Variants in PDE1C observed in about 807,000 individuals in gnomAD.
The protein encoded by PDE1C is phosphodiesterase 1C, also known as dual specificity calcium/calmodulin-dependent 3',5'-cyclic nucleotide phosphodiesterase 1C.
In PDE1C, 62 loss-of-function variants were observed where a neutral mutation model predicts 93.1. That is an observed-to-expected ratio of 0.67 (90% CI 0.54 to 0.82). The LOEUF (loss-of-function observed/expected upper bound fraction) is 0.82. Ranked by LOEUF, PDE1C falls within the 40% of genes least tolerant of loss-of-function variation. PDE1C has a pLI of 0.00. For missense variants in PDE1C, 742 were observed against 884.6 expected (o/e 0.84, Z 2.04); for synonymous variants, 325 against 310.1 (o/e 1.05, Z -0.50).
At chr7:31,875,633 ACCT>A (rs965398888) in intron 5 of PDE1C, among the ~76,000 whole-genome samples, 4 of 151,036 alleles carry the variant, frequency 2.6e-5, no homozygotes, top group African/African-American at 9.8e-5. Context: ...GGAAGCGTGA[ACCT>A]CCTCATCTCC....
intron 1 of PDE1C, among the ~76,000 whole-genome samples, chr7:32,412,935 C>G (rs1289199094): frequency 6.6e-6 from 1 of 151,942 alleles, no homozygotes; most frequent in Non-Finnish European, 1.5e-5. Context: ...AGTCATTATA[C>G]CTAGGGATGG....
At chr7:31,651,675 A>G in the PDE1C span, among the ~76,000 whole-genome samples, 2 of 152,120 alleles carry the variant, frequency 1.3e-5, no homozygotes, top group East Asian at 1.9e-4. Context: ...AAAACTGAAT[A>G]GTGGTGATGA....
chr7:31,860,317 A>G (rs7777915), intron 7 of PDE1C, among the ~76,000 whole-genome samples: 55,353 of 151,944 alleles, frequency 0.36, 10,255 homozygotes, highest in Admixed American at 0.43. Context: ...CTGCTACACT[A>G]CAATGCATAG....
intron 3 of PDE1C, among the ~76,000 whole-genome samples, chr7:32,134,524 A>AT (rs1328727151): frequency 1.3e-5 from 2 of 152,288 alleles, no homozygotes; most frequent in Admixed American, 1.3e-4. Context: ...GCATAAAAAA[A>AT]ATATATAGAA....
At chr7:32,398,129 G>A (rs1284711851) in intron 1 of PDE1C, among the ~76,000 whole-genome samples, 1 of 148,278 alleles carries the variant, frequency 6.7e-6, no homozygotes, top group East Asian at 2.1e-4. Context: ...CTCCAGCCTG[G>A]GCTGCAGAGC....
chr7:31,689,924 C>A, the PDE1C span, among the ~76,000 whole-genome samples: 1 of 152,214 alleles, frequency 6.6e-6, no homozygotes, highest in East Asian at 1.9e-4. Context: ...TTCACCACCA[C>A]CATTCTTTAA....
chr7:32,420,567 G>A (rs1335622915), intron 1 of PDE1C, among the ~76,000 whole-genome samples: 1 of 150,210 alleles, frequency 6.7e-6, no homozygotes, highest in African/African-American at 2.4e-5. Flanking sequence ...AAAAAAAGGG[G>A]GGGTGGTAAT....
At chr7:32,276,193 T>G (rs1242528464) in intron 1 of PDE1C, among the ~76,000 whole-genome samples, 1 of 152,214 alleles carries the variant, frequency 6.6e-6, no homozygotes, top group Non-Finnish European at 1.5e-5. Context: ...CTCTTTAATT[T>G]TCACTATAAC....
At chr7:31,857,708 C>A (rs2128817755) in intron 7 of PDE1C, among the ~76,000 whole-genome samples, 1 of 152,194 alleles carries the variant, frequency 6.6e-6, no homozygotes, top group Admixed American at 6.5e-5. Context: ...CAAATATGTT[C>A]CAACAACCAA....
chr7:32,177,285 G>C (rs796429254), intron 2 of PDE1C, among the ~76,000 whole-genome samples: 2 of 152,164 alleles, frequency 1.3e-5, no homozygotes, highest in African/African-American at 4.8e-5. Context: ...AGAACACGGA[G>C]AGTAAATTAG....
intron 14 of PDE1C, 47 bp from the exon 15 acceptor site, chr7:31,816,201 G>A (rs752522628): frequency 1.9e-6 from 3 of 1,559,984 alleles, no homozygotes; most frequent in Admixed American, 3.5e-5. Flanking sequence ...AGAAAAAGAG[G>A]TCATGCCGTT....
chr7:32,315,173 A>AAGAC (rs111474268), intron 1 of PDE1C, among the ~76,000 whole-genome samples: 6,452 of 151,604 alleles, frequency 0.043, 190 homozygotes, highest in African/African-American at 0.08. Flanking sequence ...ACACTAAAGA[A>AAGAC]AGACAGGAAG....
At chr7:32,221,126 T>C (rs1227828209) in intron 1 of PDE1C, among the ~76,000 whole-genome samples, 1 of 152,140 alleles carries the variant, frequency 6.6e-6, no homozygotes, top group Non-Finnish European at 1.5e-5. Context: ...CCTTCTCTTC[T>C]CCAAACTGAC....
chr7:32,215,124 G>A lies in PDE1C; in HGVS notation c.86-5585C>T, dbSNP rs13340539. ...CACAGAACCGAGCAGCCCATGGCCT[G>A]TTAGGAACCAAGCAGCACAGCAGGA... is the stretch of plus-strand genomic sequence containing the variant. On this transcript the variant is annotated intron_variant, in intron 1 of 18. Coordinates refer to the PDE1C transcript ENST00000396193. Among the ~76,000 whole-genome samples the A allele has an allele frequency of 4.2e-3, 641 of 152,204 alleles. 6 individuals carry two copies. The highest frequency in any genetic ancestry group is 0.014 in the African/African-American group (589 of 41,540).
At chr7:32,291,546 T>A (rs1042183911) in intron 1 of PDE1C, among the ~76,000 whole-genome samples, 1 of 152,250 alleles carries the variant, frequency 6.6e-6, no homozygotes, top group Non-Finnish European at 1.5e-5. Flanking sequence ...GACTTGCCTT[T>A]GGTCCTTTCT....
chr7:32,094,262 T>G lies in PDE1C; in HGVS notation c.308+75523A>C, dbSNP rs150034018. ...GCCACAAAGAGTAAGGAAAAGATGC[T>G]GTCCTCTCCAGAGCTGCCTCCAGCC... is the stretch of plus-strand genomic sequence containing the variant. On this transcript the variant is annotated intron_variant, in intron 3 of 18. Coordinates refer to the PDE1C transcript ENST00000396193. 9.5e-4 allele frequency among the ~76,000 whole-genome samples: 144 copies of G among 152,270 alleles called. 1 individual carries two copies. The East Asian group carries it at 0.027, about 28-fold the overall frequency.
chr7:31,697,294 C>T, the PDE1C span, among the ~76,000 whole-genome samples: 2 of 152,258 alleles, frequency 1.3e-5, no homozygotes, highest in South Asian at 2.1e-4. Context: ...CTACTAGTAG[C>T]TCCCCAGGGG....
At chr7:31,710,956 T>C in the PDE1C span, among the ~76,000 whole-genome samples, 4,457 of 152,316 alleles carry the variant, frequency 0.029, 103 homozygotes, top group African/African-American at 0.04. Flanking sequence ...TTATTTGAAA[T>C]GAGCTCTACC....
intron 1 of PDE1C, among the ~76,000 whole-genome samples, chr7:32,062,082 C>A (rs1050255912): frequency 6.6e-6 from 1 of 152,142 alleles, no homozygotes; most frequent in Admixed American, 6.5e-5. Context: ...ATGTCCCACA[C>A]TGAACTCATC....
Sources: gnomAD v4.1 joint callset for allele counts (sites outside exome capture counted in the v4.1 genomes callset) on GRCh38, gnomAD v4.1.1 for gene constraint, MANE v1.5 for transcripts, NCBI Gene and HGNC (gene_info 2026-07-23, HGNC 2026-07-21) for gene names.